Variants in PCDHA6 observed in about 807,000 individuals in gnomAD.
PCDHA6 encodes the protein protocadherin alpha 6.
PCDHA6 carries 55 observed loss-of-function variants against 60.3 expected under a neutral mutation model. That is an observed-to-expected ratio of 0.91 (90% confidence interval 0.73 to 1.14). PCDHA6 has a LOEUF of 1.14. Among genes scored for constraint, PCDHA6 ranks in the 50% most tolerant of loss-of-function variants. PCDHA6 has a pLI of 0.00. For synonymous variants in PCDHA6, 652 were observed against 557.9 expected (o/e 1.17, Z -2.38); for missense variants, 1,327 against 1,256.5 (o/e 1.06, Z -0.85).
At chr5:140,919,050 G>T (rs2153552038) in intron 1 of PCDHA6, among the ~76,000 whole-genome samples, 1 of 152,302 alleles carries the variant, frequency 6.6e-6, no homozygotes, top group Admixed American at 6.5e-5. Context: ...ATTATTGGAA[G>T]TGGAGTATTA....
At chr5:141,001,451 A>T (rs2098018648) in intron 3 of PCDHA6, among the ~76,000 whole-genome samples, 1 of 152,310 alleles carries the variant, frequency 6.6e-6, no homozygotes, top group African/African-American at 2.4e-5. Flanking sequence ...TTCCACTGTC[A>T]ATTGAAGGAC....
chr5:140,983,329 A>G (rs1359569826), intron 3 of PCDHA6, among the ~76,000 whole-genome samples: 8 of 152,228 alleles, frequency 5.3e-5, no homozygotes, highest in Admixed American at 6.5e-5. Flanking sequence ...TTCTTGCCCT[A>G]TCACTAAAGC....
Position 140,850,095 on chromosome 5 carries a change from C to G in PCDHA6, c.2394+19610C>G, listed in dbSNP as rs139719626. The G allele has an allele frequency of 2.5e-3, 3,966 of 1,596,304 alleles. 379 individuals carry two copies. Among genetic ancestry groups the G allele is most frequent in the Non-Finnish European group, 3.1e-3 (3,638 of 1,167,768 alleles). On this transcript the variant is annotated intron_variant, in intron 1 of 3. Transcript: ENST00000529310. Reference sequence around the variant, plus strand: ...CGAGGAGCTGGAGCTGCTACAGTTCCAGGTGAGCGCGCGCGACGCGGGCGT... The same window carrying G: ...CGAGGAGCTGGAGCTGCTACAGTTCGAGGTGAGCGCGCGCGACGCGGGCGT...
chr5:141,001,999 A>G (rs1554258445), intron 3 of PCDHA6, among the ~76,000 whole-genome samples: 1 of 152,198 alleles, frequency 6.6e-6, no homozygotes, highest in African/African-American at 2.4e-5. Flanking sequence ...TTCACTTGCA[A>G]ACACAGAATC....
intron 1 of PCDHA6, among the ~76,000 whole-genome samples, chr5:140,881,806 C>G (rs545752672): frequency 1.3e-5 from 2 of 152,238 alleles, no homozygotes; most frequent in African/African-American, 4.8e-5. Context: ...AAACGAGTGT[C>G]GAATATTCTT....
chr5:140,968,221 T>C, intron 1 of PCDHA6: 1 of 1,613,918 alleles, frequency 6.2e-7, no homozygotes, highest in Admixed American at 1.7e-5. Context: ...ATTTGCCAGG[T>C]GTGTTGCTCT....
chr5:140,916,864 T>A (rs2077768356), intron 1 of PCDHA6, among the ~76,000 whole-genome samples: 1 of 152,156 alleles, frequency 6.6e-6, no homozygotes, highest in African/African-American at 2.4e-5. Flanking sequence ...AGGAGTTACC[T>A]AGGAATTGCA....
rs1554140265 is a variant in PCDHA6 at position 140,843,611 on chromosome 5, C to T, written c.2394+13126C>T. ...GCAGAGGGTGTGCTCTGGTGAGGGG[C>T]CACCGAAGACGGACCTCATGGCCTT... On this transcript the variant is annotated intron_variant, in intron 1 of 3. Coordinates refer to ENST00000529310, the MANE Select transcript of PCDHA6 (RefSeq NM_018909.4). 7 of 1,595,892 alleles carry T rather than the reference C, an allele frequency of 4.4e-6. 1 individual carries two copies. Among genetic ancestry groups the T allele is most frequent in the Non-Finnish European group, 6.0e-6 (7 of 1,165,418 alleles).
chr5:140,869,518 A>C, intron 1 of PCDHA6: 1 of 1,614,170 alleles, frequency 6.2e-7, no homozygotes, highest in East Asian at 2.2e-5. Flanking sequence ...CAGAGAACAA[A>C]AGCTGCTGAT....
chr5:140,966,258 A>G, intron 1 of PCDHA6: 1 of 337,520 alleles, frequency 3.0e-6, no homozygotes, highest in Non-Finnish European at 5.3e-6. Context: ...GAGACGGTGG[A>G]GACTGGATGA....
intron 1 of PCDHA6, among the ~76,000 whole-genome samples, chr5:140,937,385 T>G (rs1022137225): frequency 2.6e-5 from 4 of 152,170 alleles, no homozygotes; most frequent in Admixed American, 2.6e-4. Flanking sequence ...TGTGTGTATG[T>G]GTATATAGGG....
At chr5:140,954,844 C>T (rs1195160424) in intron 1 of PCDHA6, among the ~76,000 whole-genome samples, 1 of 152,070 alleles carries the variant, frequency 6.6e-6, no homozygotes, top group African/African-American at 2.4e-5. Flanking sequence ...GAAATCTTTG[C>T]CTGTGCCTAT....
intron 1 of PCDHA6, among the ~76,000 whole-genome samples, chr5:140,925,337 A>G (rs2082438861): frequency 6.6e-6 from 1 of 152,072 alleles, no homozygotes; most frequent in South Asian, 2.1e-4. Flanking sequence ...TAAAAGAAGG[A>G]TTTGAGTGAG....
chr5:140,836,333 T>C (rs2150258058), intron 1 of PCDHA6: 3 of 1,613,682 alleles, frequency 1.9e-6, no homozygotes, highest in South Asian at 2.2e-5. Flanking sequence ...TTCTGGTGCT[T>C]GTGAAGGACC....
chr5:140,987,453 A>C (rs2097255093), intron 3 of PCDHA6, among the ~76,000 whole-genome samples: 1 of 152,106 alleles, frequency 6.6e-6, no homozygotes, highest in South Asian at 2.1e-4. Context: ...CCGAGAGATA[A>C]TTGTTAAGAG....
chr5:140,884,135 C>A (rs1554181269), intron 1 of PCDHA6: 1 of 1,613,422 alleles, frequency 6.2e-7, no homozygotes. Context: ...CATCCCGTTC[C>A]GCGTGGGGCT....
chr5:140,897,875 G>A (rs2066378352), intron 1 of PCDHA6, among the ~76,000 whole-genome samples: 1 of 152,080 alleles, frequency 6.6e-6, no homozygotes, highest in South Asian at 2.1e-4. Flanking sequence ...TTTAATGATT[G>A]CCATTCTAAC....
chr5:140,837,271 C>T (rs1199620898), intron 1 of PCDHA6: 1 of 152,090 alleles, frequency 6.6e-6, no homozygotes, highest in African/African-American at 2.4e-5. Context: ...TTGTGTAGCA[C>T]TGACTTCTTT....
At chr5:140,926,178 G>GC (rs1221259064) in intron 1 of PCDHA6, among the ~76,000 whole-genome samples, 2 of 151,700 alleles carry the variant, frequency 1.3e-5, no homozygotes, top group Non-Finnish European at 2.9e-5. Flanking sequence ...AGCGCGGAAA[G>GC]CCCCCCGCAG....
Sources: allele counts gnomAD v4.1 joint callset (sites outside exome capture counted in the v4.1 genomes callset), GRCh38; gene constraint gnomAD v4.1.1; transcripts MANE v1.5; gene names NCBI Gene and HGNC (gene_info 2026-07-23, HGNC 2026-07-21).